The following MEGF6 variants were observed in gnomAD, a reference collection of about 807,000 sequenced individuals.
MEGF6 encodes the protein multiple epidermal growth factor-like domains protein 6.
A neutral mutation model predicts 207.1 loss-of-function variants in MEGF6; 184 were observed. The ratio of observed to expected loss-of-function variants is 0.89; its 90% CI spans 0.79 to 1.00. The LOEUF is 1.00. Among genes scored for constraint, MEGF6 ranks in the 50% least tolerant of loss-of-function variants. MEGF6 has a pLI of 0.00. For synonymous variants in MEGF6, 1,038 were observed against 910.0 expected (o/e 1.14, Z -2.53); for missense variants, 2,282 against 2,202.9 (o/e 1.04, Z -0.72).
Position 3,557,525 on chromosome 1 carries a change from C to T in MEGF6, c.481+22300G>A, listed in dbSNP as rs550691943. On this transcript the variant is annotated intron_variant, in intron 4 of 36. Transcript: ENST00000356575. The stretch of plus-strand genomic sequence containing the variant: ...CCACCTCGCTGGGCGGTTATCTCTG[C>T]GCCTGCAGCTCAGAAGCCCTGCCAG... Among the ~76,000 whole-genome samples, 14 of 152,332 alleles carry T rather than the reference C, an allele frequency of 9.2e-5. No homozygotes were observed. In the East Asian group the frequency reaches 1.7e-3, roughly 19 times the overall value.
Position 3,498,429 on chromosome 1 carries a change from G to T in MEGF6, c.3294C>A (p.Asp1098Glu), listed in dbSNP as rs1640705017. 2 of 1,586,320 alleles carry T rather than the reference G, an allele frequency of 1.3e-6. No homozygotes were observed. Among genetic ancestry groups the T allele is most frequent in the Non-Finnish European group, 1.7e-6 (2 of 1,169,046 alleles). ...SGGCLNGGLC[D>E]PHTGRCLCPA... ...GGCAGAGGCAGCGGCCCGTGTGCGG[G>T]TCACACAGGCCCCCGTTGAGGCAAC... The change falls in exon 26 of 37, where the codon GAC becomes GAA. Residue 1098 changes from aspartate (D) to glutamate (E), a missense_variant. Asp to Glu is a conservative substitution (Grantham distance 45). Transcript: ENST00000356575.
At chr1:3,509,393 T>C in intron 11 of MEGF6, 148 bp from the exon 12 acceptor site, 1 of 629,988 alleles carries the variant, frequency 1.6e-6, no homozygotes. Context: ...CTCAGCCTGG[T>C]CCCAGGGGTC....
chr1:3,601,218 C>T (rs1416878174), intron 2 of MEGF6, among the ~76,000 whole-genome samples: 1 of 152,258 alleles, frequency 6.6e-6, no homozygotes, highest in East Asian at 1.9e-4. Flanking sequence ...CTCTCTCCAG[C>T]CCTGGGCTCA....
In MEGF6 at chr1:3,488,073, A is replaced by T. The variant is rs1210475749; in HGVS notation, c.*2455T>A. Among the ~76,000 whole-genome samples, 1 of 152,162 alleles carries T rather than the reference A, an allele frequency of 6.6e-6. No homozygotes were observed. Among genetic ancestry groups the T allele is most frequent in the Non-Finnish European group, 1.5e-5 (1 of 68,002 alleles). ...ATCAAATCAGGGTAATGAGCATATCATCATCTCAAGCGTTTATTATGTGTG... is the reference window on the plus strand; with the variant it reads ...ATCAAATCAGGGTAATGAGCATATCTTCATCTCAAGCGTTTATTATGTGTG... On this transcript the variant is annotated 3_prime_UTR_variant, in exon 37 of 37. Coordinates refer to ENST00000356575, the MANE Select transcript of MEGF6 (RefSeq NM_001409.4).
At chr1:3,524,553 C>G (rs922256603) in intron 4 of MEGF6, among the ~76,000 whole-genome samples, 3 of 152,206 alleles carry the variant, frequency 2.0e-5, no homozygotes, top group Middle Eastern at 3.2e-3. Context: ...CGGGAGCGCA[C>G]GCGGTTTTCT....
At chr1:3,511,971 G>A (rs367591301) in intron 8 of MEGF6, 35 bp downstream of exon 8, 92 of 1,610,812 alleles carry the variant, frequency 5.7e-5, no homozygotes, top group Non-Finnish European at 7.3e-5. Context: ...TGGCCATCCC[G>A]GGCACCTTCA....
chr1:3,534,786 G>A (rs890757956), intron 4 of MEGF6, among the ~76,000 whole-genome samples: 3 of 152,080 alleles, frequency 2.0e-5, no homozygotes, highest in African/African-American at 7.2e-5. Context: ...AGCCAGCCAG[G>A]GACCGGAGCC....
chr1:3,585,168 G>A (rs771900181), intron 3 of MEGF6, among the ~76,000 whole-genome samples: 6 of 142,184 alleles, frequency 4.2e-5, no homozygotes, highest in Admixed American at 2.8e-4. Context: ...GTGTGGACAC[G>A]TCCTGTGTGT....
rs889172621 is a variant in MEGF6, at chr1:3,499,258, C to A, written c.2974G>T (p.Ala992Ser). 6.2e-7 allele frequency: 1 copy of A among 1,604,158 alleles called. No individual in the cohort carries two copies. ...RGPRCAETCP[A>S]HTYGHNCSQA... is the part of the protein sequence containing the mutation. ...CTGCAATTGTGCCCGTAGGTGTGGG[C>A]TGGGCAGGCTGCAGGTGGAGAGGGC... The change falls in exon 24 of 37, where the codon GCC (alanine) becomes TCC (serine). Residue 992 changes from alanine to serine, a missense_variant. By Grantham distance (99) the Ala-to-Ser change is moderately conservative. Transcript: ENST00000356575.
Position 3,494,476 on chromosome 1 carries a change from C to A in MEGF6, c.4024G>T (p.Ala1342Ser). The stretch of plus-strand genomic sequence containing the variant: ...CAGGAGCACTCCAGATGGCAGGCGG[C>A]TCCGTAGCGCCCAGGGGGACAGGCT... ...ELACPPGRYG[A>S]ACHLECSCHN... is the part of the protein sequence containing the mutation. Residue 1342 changes from alanine (A) to serine (S), a missense_variant, in exon 32 of 37, where the codon GCC (alanine) becomes TCC (serine). Coordinates refer to ENST00000356575, the MANE Select transcript of MEGF6 (RefSeq NM_001409.4). The A allele has an allele frequency of 6.3e-7, 1 of 1,584,350 alleles. No individual in the cohort carries two copies.
chr1:3,508,388 G>A (rs111460878), intron 13 of MEGF6, among the ~76,000 whole-genome samples, 170 bp downstream of exon 13: 39 of 152,300 alleles, frequency 2.6e-4, no homozygotes, highest in Admixed American at 4.6e-4. Context: ...GGACAGTCAG[G>A]GGATGTTTAT....
intron 17 of MEGF6, among the ~76,000 whole-genome samples, chr1:3,504,212 A>G (rs896670686): frequency 6.6e-6 from 1 of 152,152 alleles, no homozygotes; most frequent in Non-Finnish European, 1.5e-5. Flanking sequence ...CTGGTCACAC[A>G]GCAGGCCCTC....
At chr1:3,588,951 G>A (rs1375643681) in intron 3 of MEGF6, among the ~76,000 whole-genome samples, 1 of 152,090 alleles carries the variant, frequency 6.6e-6, no homozygotes, top group African/African-American at 2.4e-5. Context: ...ATCCCCCTGT[G>A]GTGGGGTGGA....
intron 17 of MEGF6, among the ~76,000 whole-genome samples, chr1:3,504,194 T>C (rs758185795): frequency 1.9e-4 from 29 of 152,132 alleles, no homozygotes; most frequent in Non-Finnish European, 3.8e-4. Context: ...GCCCAGGCCA[T>C]GGTCATGCTG....
At chr1:3,614,659 C>A (rs891131282), upstream of MEGF6, among the ~76,000 whole-genome samples, 1 of 152,206 alleles carries the variant, frequency 6.6e-6, no homozygotes, top group Non-Finnish European at 1.5e-5. Context: ...GTAGTTTTTC[C>A]TCTGCAGTTC....
rs1203812969 is a variant in MEGF6, at chr1:3,565,483, C to T, written c.481+14342G>A. Among the ~76,000 whole-genome samples the T allele has an allele frequency of 1.3e-5, 2 of 152,198 alleles. No individual in the cohort carries two copies. Among genetic ancestry groups the T allele is most frequent in the East Asian group, 3.9e-4 (2 of 5,180 alleles). On this transcript the variant is annotated intron_variant, in intron 4 of 36. Coordinates refer to ENST00000356575, the MANE Select transcript of MEGF6 (RefSeq NM_001409.4). This position sits in a 1 kb window ranked among gnomAD's most constrained non-coding sequence, Gnocchi z 4.8. ...GGGACCCCTTGATTGCAGGAGGCCC[C>T]TTCCAAGAGGGGTCCAGGGAGCAGG...
At chr1:3,509,522 G>A (rs946007859) in intron 11 of MEGF6, among the ~76,000 whole-genome samples, 1 of 152,228 alleles carries the variant, frequency 6.6e-6, no homozygotes, top group African/African-American at 2.4e-5. Context: ...GGGCCTAGAG[G>A]GGTAGGGGTG....
intron 4 of MEGF6, among the ~76,000 whole-genome samples, chr1:3,533,625 C>T (rs541188122): frequency 3.5e-4 from 54 of 152,306 alleles, no homozygotes; most frequent in Non-Finnish European, 6.8e-4. Context: ...TGCAAGGGCA[C>T]GGGCTGCGGA....
rs1222117569 is a variant in MEGF6, at chr1:3,488,061, A to G, written c.*2467T>C. 6.6e-6 allele frequency among the ~76,000 whole-genome samples: 1 copy of G among 152,212 alleles called. No homozygotes were observed. The highest frequency in any genetic ancestry group is 2.4e-5 in the African/African-American group (1 of 41,460). ...GGATGTCTAGTGATCAAATCAGGGT[A>G]ATGAGCATATCATCATCTCAAGCGT... On this transcript the variant is annotated 3_prime_UTR_variant, in exon 37 of 37. Coordinates refer to ENST00000356575, the MANE Select transcript of MEGF6 (RefSeq NM_001409.4).
Sources: gnomAD v4.1 joint callset for allele counts (sites outside exome capture counted in the v4.1 genomes callset) on GRCh38, gnomAD v4.1.1 for gene constraint, Gnocchi (gnomAD v3.1) non-coding constraint, MANE v1.5 for transcripts, NCBI Gene and HGNC (gene_info 2026-07-23, HGNC 2026-07-21) for gene names.